Variants in FCHSD2 observed in about 807,000 individuals in gnomAD.
The protein encoded by FCHSD2 is FCH and double SH3 domains 2.
Under a neutral mutation model 108.1 loss-of-function variants are expected in FCHSD2, and 38 were observed. The ratio of observed to expected loss-of-function variants is 0.35; its 90% confidence interval spans 0.27 to 0.46. FCHSD2 has a LOEUF of 0.46. Among genes scored for constraint, FCHSD2 ranks in the 20% least tolerant of loss-of-function variants. FCHSD2 has a pLI of 1.00. For synonymous variants in FCHSD2, 279 were observed against 314.7 expected (o/e 0.89, Z 1.20); for missense variants, 751 against 897.8 (o/e 0.84, Z 2.09).
intron 3 of FCHSD2, among the ~76,000 whole-genome samples, chr11:73,021,165 C>A (rs567687572): frequency 1.6e-4 from 24 of 151,886 alleles, no homozygotes; most frequent in South Asian, 1.2e-3. Context: ...GTGCAGGCCA[C>A]TGTGTCTGGC....
chr11:72,860,755 T>A (rs555783161), intron 13 of FCHSD2, among the ~76,000 whole-genome samples: 1 of 151,656 alleles, frequency 6.6e-6, no homozygotes, highest in Admixed American at 6.6e-5. Flanking sequence ...GAGGAGGAGG[T>A]TGCCGTCAGC....
At chr11:72,870,030 C>T (rs1854817712) in intron 12 of FCHSD2, among the ~76,000 whole-genome samples, 1 of 152,152 alleles carries the variant, frequency 6.6e-6, no homozygotes, top group Admixed American at 6.5e-5. Flanking sequence ...ACCCCACTGT[C>T]CCACTTGCTG....
At chr11:72,935,383 G>A (rs1856280285) in intron 8 of FCHSD2, among the ~76,000 whole-genome samples, 1 of 152,120 alleles carries the variant, frequency 6.6e-6, no homozygotes, top group African/African-American at 2.4e-5. Flanking sequence ...TTTCCTTAAT[G>A]CAGCCTAGAA....
chr11:73,109,460 A>C (rs1051572322), intron 2 of FCHSD2, among the ~76,000 whole-genome samples: 1 of 150,774 alleles, frequency 6.6e-6, no homozygotes, highest in Non-Finnish European at 1.5e-5. Context: ...ATTCATAGGC[A>C]TTTTATTTGT....
In FCHSD2 at chr11:73,001,034, G is replaced by A; in HGVS notation, c.343C>T (p.Pro115Ser). 6.2e-7 allele frequency: 1 copy of A among 1,611,956 alleles called. No homozygotes were observed. The highest frequency in any genetic ancestry group is 1.1e-5 in the South Asian group (1 of 90,632). The change falls in exon 5 of 20, where the codon CCT becomes TCT. Residue 115 changes from proline (P) to serine (S), a missense_variant. Pro to Ser is a moderately conservative substitution (Grantham distance 74). Coordinates refer to ENST00000409418, the MANE Select transcript of FCHSD2 (RefSeq NM_014824.3). ...TTTAAGCTTCTCACTGTCCTTGCAG[G>A]CTCAGAAATGAAGTTTTTATAGTTT... ...CENYKNFISE[P>S]ARTVRSLKEQ...
At chr11:73,124,863 C>T (rs751304710) in intron 2 of FCHSD2, among the ~76,000 whole-genome samples, 30 of 151,890 alleles carry the variant, frequency 2.0e-4, no homozygotes, top group Non-Finnish European at 3.5e-4. Flanking sequence ...CTATACTAGT[C>T]ACATTACACT....
chr11:73,049,258 AC>A (rs1366776224), intron 3 of FCHSD2, among the ~76,000 whole-genome samples: 55 of 152,236 alleles, frequency 3.6e-4, no homozygotes, highest in African/African-American at 1.3e-3. Flanking sequence ...TATATGAAGT[AC>A]ATAGTAAAAC....
chr11:72,957,005 CA>C (rs1372154586), intron 8 of FCHSD2, among the ~76,000 whole-genome samples: 1 of 141,950 alleles, frequency 7.0e-6, no homozygotes, highest in Non-Finnish European at 1.5e-5. Flanking sequence ...CCAACAGAAT[CA>C]AAGGACTCTA....
intron 6 of FCHSD2, among the ~76,000 whole-genome samples, chr11:72,986,828 G>A (rs1308827326): frequency 6.6e-6 from 1 of 152,058 alleles, no homozygotes; most frequent in East Asian, 1.9e-4. Context: ...AATAAGGCAG[G>A]ATTTTTACAC....
chr11:72,975,850 T>C (rs1168688894), intron 8 of FCHSD2, among the ~76,000 whole-genome samples: 3 of 152,226 alleles, frequency 2.0e-5, no homozygotes, highest in Non-Finnish European at 1.5e-5. Context: ...ATAAATCCTA[T>C]TAAGAATTAC....
At chr11:73,058,579 T>C (rs1287929336) in intron 3 of FCHSD2, among the ~76,000 whole-genome samples, 1 of 151,998 alleles carries the variant, frequency 6.6e-6, no homozygotes, top group Non-Finnish European at 1.5e-5. Flanking sequence ...ACTTGTTTTT[T>C]AGGTTTATTT....
intron 5 of FCHSD2, among the ~76,000 whole-genome samples, chr11:72,995,708 CAAA>C (rs760202806): frequency 1.3e-4 from 8 of 63,062 alleles, no homozygotes; most frequent in Admixed American, 1.7e-4. Context: ...AATTCTGTCT[CAAA>C]AAAAAAAAAA....
intron 12 of FCHSD2, among the ~76,000 whole-genome samples, chr11:72,872,377 T>A (rs926612178): frequency 6.7e-6 from 1 of 150,224 alleles, no homozygotes; most frequent in Non-Finnish European, 1.5e-5. Context: ...CATGCAACCA[T>A]CACCACAGTC....
At chr11:72,875,828 A>C (rs1239265010) in intron 12 of FCHSD2, among the ~76,000 whole-genome samples, 2 of 152,218 alleles carry the variant, frequency 1.3e-5, no homozygotes, top group African/African-American at 4.8e-5. Context: ...ATGGAAACAG[A>C]GGACCCTCAG....
chr11:73,074,124 A>C (rs769069500), intron 3 of FCHSD2, among the ~76,000 whole-genome samples: 6 of 152,232 alleles, frequency 3.9e-5, no homozygotes, highest in Admixed American at 6.5e-5. Flanking sequence ...AGTTGACTAG[A>C]ATAAAAAGTC....
At chr11:72,959,854 G>GTC (rs1856790512) in intron 8 of FCHSD2, among the ~76,000 whole-genome samples, 1 of 3,068 alleles carries the variant, frequency 3.3e-4, no homozygotes, top group Non-Finnish European at 0.012. Flanking sequence ...AGTTTCTAGG[G>GTC]TGTGTGTGTG....
chr11:73,120,158 TC>T (rs1419733439), intron 2 of FCHSD2, among the ~76,000 whole-genome samples: 2 of 151,820 alleles, frequency 1.3e-5, no homozygotes, highest in Non-Finnish European at 2.9e-5. Context: ...ACCAGCTCCC[TC>T]CCACAACACG....
At chr11:73,136,030 C>G (rs976236457) in intron 2 of FCHSD2, among the ~76,000 whole-genome samples, 3 of 151,832 alleles carry the variant, frequency 2.0e-5, no homozygotes, top group Non-Finnish European at 4.4e-5. Context: ...CATGGTGGCA[C>G]GTGCCTATAG....
At chr11:72,863,254 A>C (rs1469019005) in intron 13 of FCHSD2, among the ~76,000 whole-genome samples, 1 of 152,118 alleles carries the variant, frequency 6.6e-6, no homozygotes, top group Non-Finnish European at 1.5e-5. Context: ...ACAATGATGC[A>C]AAGGCAATTC....
Sources: gnomAD v4.1 joint callset for allele counts (sites outside exome capture counted in the v4.1 genomes callset) on GRCh38, gnomAD v4.1.1 for gene constraint, MANE v1.5 for transcripts, NCBI Gene and HGNC (gene_info 2026-07-23, HGNC 2026-07-21) for gene names.